Variants in RNF212B observed in about 807,000 individuals in gnomAD.
RNF212B encodes the protein ring finger protein 212B.
Under a neutral mutation model 55.5 loss-of-function variants are expected in RNF212B, and 52 were observed. That is an observed-to-expected ratio of 0.94 (90% confidence interval 0.75 to 1.18). RNF212B has a LOEUF of 1.18. RNF212B is among the 50% of genes most tolerant of loss of function. The pLI, the probability that RNF212B is intolerant of heterozygous loss-of-function variation, is 0.00. For missense variants in RNF212B, 289 were observed against 350.4 expected (o/e 0.82, Z 1.40); for synonymous variants, 99 against 121.4 (o/e 0.82, Z 1.21).
intron 2 of RNF212B, among the ~76,000 whole-genome samples, chr14:23,223,936 T>C (rs926996195): frequency 1.3e-5 from 2 of 152,174 alleles, no homozygotes; most frequent in African/African-American, 4.8e-5. Flanking sequence ...TAACTTTTTA[T>C]ATGCCAACAG....
chr14:23,218,147 T>A (rs1215205620), intron 2 of RNF212B, among the ~76,000 whole-genome samples: 1 of 151,880 alleles, frequency 6.6e-6, no homozygotes, highest in African/African-American at 2.4e-5. Context: ...GGTGGGCGGA[T>A]CACGAGGTCA....
intron 4 of RNF212B, among the ~76,000 whole-genome samples, chr14:23,245,611 T>C (rs990979843): frequency 6.6e-6 from 1 of 152,214 alleles, no homozygotes; most frequent in African/African-American, 2.4e-5. Flanking sequence ...TCTGAAAATG[T>C]GTTTTCCTAA....
intron 2 of RNF212B, among the ~76,000 whole-genome samples, chr14:23,229,363 T>C (rs1451489744): frequency 6.6e-6 from 1 of 151,008 alleles, no homozygotes; most frequent in Non-Finnish European, 1.5e-5. Flanking sequence ...TACACATATC[T>C]GTTTGAGCCC....
At chr14:23,272,757 G>T (rs1057434426) in intron 14 of RNF212B, 66 bp from the exon 15 acceptor site, 38 of 985,778 alleles carry the variant, frequency 3.9e-5, no homozygotes, top group Non-Finnish European at 2.1e-5. Flanking sequence ...CAACAGGTCA[G>T]AGAGACTTGC....
rs142594328 is a variant in RNF212B at position 23,260,584 on chromosome 14, G to A, written c.406-75G>A. ...AAGGGGCACTGAGCTTAGTTATCTC[G>A]CAAGTAAGACTGAAGATCTGTTGAT... On this transcript the variant is annotated intron_variant, in intron 6 of 14. Coordinates refer to ENST00000430154, the MANE Select transcript of RNF212B (RefSeq NM_001282322.3). 1.9e-5 allele frequency: 26 copies of A among 1,399,782 alleles called. No homozygotes were observed. The East Asian group carries it at 4.2e-4, about 23-fold the overall frequency. 86.7% of individuals were successfully genotyped at this position (1,399,782 alleles called of 1,614,324 possible). A position where few individuals can be genotyped will look rare whatever the true frequency, so the allele number is the denominator to read the frequency against.
chr14:23,264,622 G>T lies in RNF212B; in HGVS notation c.586-1G>T. 7.5e-7 allele frequency: 1 copy of T among 1,341,056 alleles called. No individual in the cohort carries two copies. Among genetic ancestry groups the T allele is most frequent in the South Asian group, 2.3e-5 (1 of 42,730 alleles). The allele number at this position is 1,341,056 out of a possible 1,614,324, so 83.1% of individuals were successfully genotyped here. A position where few individuals can be genotyped will look rare whatever the true frequency, so the allele number is the denominator to read the frequency against. On this transcript the variant is annotated splice_acceptor_variant, in intron 10 of 14. Coordinates refer to ENST00000430154, the MANE Select transcript of RNF212B (RefSeq NM_001282322.3). LOFTEE classifies it high-confidence loss of function. ...ATTGATGCTTATTATTTGTCTATCA[G>T]GGAGGCAGAGGTCTGCAGGGAAGGA...
At chr14:23,242,431 C>T (rs1394744537) in intron 2 of RNF212B, among the ~76,000 whole-genome samples, 1 of 152,130 alleles carries the variant, frequency 6.6e-6, no homozygotes, top group African/African-American at 2.4e-5. Flanking sequence ...ATGAGAGTAG[C>T]AGAGCTTCAA....
At chr14:23,242,102 A>AAG in intron 2 of RNF212B, among the ~76,000 whole-genome samples, 1 of 95,896 alleles carries the variant, frequency 1.0e-5, no homozygotes, top group South Asian at 3.9e-4. Flanking sequence ...AAAAAAAAAA[A>AAG]AAAAAGAAAA....
At chr14:23,219,971 G>A (rs115535354) in intron 2 of RNF212B, among the ~76,000 whole-genome samples, 145 of 151,838 alleles carry the variant, frequency 9.5e-4, no homozygotes, top group African/African-American at 3.2e-3. Flanking sequence ...ATCGTTTGAC[G>A]TCAGGAGTTC....
chr14:23,228,329 CA>C (rs1882222681), intron 2 of RNF212B, among the ~76,000 whole-genome samples: 1 of 150,974 alleles, frequency 6.6e-6, no homozygotes, highest in Non-Finnish European at 1.5e-5. Context: ...AGCAACTCTG[CA>C]AAAGAACAGG....
intron 4 of RNF212B, among the ~76,000 whole-genome samples, chr14:23,246,449 G>A (rs1056790677): frequency 2.0e-5 from 3 of 151,888 alleles, no homozygotes; most frequent in East Asian, 3.9e-4. Context: ...TGACCAACTC[G>A]GCCTGCTAAC....
chr14:23,235,796 C>A (rs923817065), upstream of RNF212B, among the ~76,000 whole-genome samples: 7 of 152,170 alleles, frequency 4.6e-5, no homozygotes, highest in African/African-American at 1.4e-4. Context: ...CCAGTTTGGT[C>A]TAAATGTATG....
chr14:23,240,320 T>A (rs1331156868), intron 1 of RNF212B, 25 bp from the exon 2 acceptor site: 1 of 1,444,294 alleles, frequency 6.9e-7, no homozygotes, highest in Admixed American at 2.0e-5. Context: ...AGGTTATTCT[T>A]ACTCTTTCTC....
chr14:23,272,310 C>T (rs963894113), intron 14 of RNF212B: 31 of 162,810 alleles, frequency 1.9e-4, no homozygotes, highest in Admixed American at 7.8e-4. Flanking sequence ...GTCCCAGCTA[C>T]GTGGGAGGCT....
intron 13 of RNF212B, 70 bp from the exon 14 acceptor site, chr14:23,270,530 G>A: frequency 9.3e-7 from 1 of 1,070,468 alleles, no homozygotes; most frequent in Non-Finnish European, 1.4e-6. Context: ...TCATTACCCT[G>A]ACCCACAAGT....
intron 2 of RNF212B, among the ~76,000 whole-genome samples, chr14:23,218,946 G>A (rs1351078884): frequency 3.9e-5 from 6 of 152,058 alleles, no homozygotes; most frequent in South Asian, 2.1e-4. Context: ...CTAAAAGTAC[G>A]AGGAGAAAAG....
intron 7 of RNF212B, among the ~76,000 whole-genome samples, chr14:23,261,679 C>T (rs985785592): frequency 1.3e-5 from 2 of 152,180 alleles, no homozygotes; most frequent in African/African-American, 2.4e-5. Context: ...TTTTTAGTAT[C>T]GGCTGGGTGT....
At chr14:23,247,363 A>T (rs1029100630) in intron 4 of RNF212B, among the ~76,000 whole-genome samples, 6 of 152,238 alleles carry the variant, frequency 3.9e-5, no homozygotes, top group African/African-American at 1.4e-4. Flanking sequence ...AAACATTTTC[A>T]TCACCCCAGA....
intron 2 of RNF212B, among the ~76,000 whole-genome samples, chr14:23,198,992 C>T (rs1407059380): frequency 6.6e-6 from 1 of 152,036 alleles, no homozygotes; most frequent in Non-Finnish European, 1.5e-5. Context: ...TAGTGCTATA[C>T]CTCACGCTGT....
Sources: gnomAD v4.1 joint callset for allele counts (sites outside exome capture counted in the v4.1 genomes callset) on GRCh38, gnomAD v4.1.1 for gene constraint, MANE v1.5 for transcripts, NCBI Gene and HGNC (gene_info 2026-07-23, HGNC 2026-07-21) for gene names.